Variants in ALCAM observed in about 807,000 individuals in gnomAD.
ALCAM encodes the protein activated leukocyte cell adhesion molecule, also known as CD166 antigen.
A neutral mutation model predicts 70.9 loss-of-function variants in ALCAM; 30 were observed. The observed-to-expected ratio is 0.42, with a 90% CI of 0.32 to 0.57. The LOEUF is 0.57. ALCAM is among the 20% of genes least tolerant of loss of function. ALCAM has a pLI of 0.11. For synonymous variants in ALCAM, 249 were observed against 242.5 expected, an observed-to-expected ratio of 1.03 and a Z score of -0.25; for missense variants, 591 against 695.1, an observed-to-expected ratio of 0.85 and a Z score of 1.68.
chr3:105,444,384 T>A (rs1182442621), intron 1 of ALCAM, among the ~76,000 whole-genome samples: 1 of 152,022 alleles, frequency 6.6e-6, no homozygotes, highest in African/African-American at 2.4e-5. Flanking sequence ...AAAACTGCCT[T>A]ATAAAACCAC....
rs1181416180 is a variant in ALCAM, at chr3:105,574,715, T to C, written c.*264T>C. 1.3e-5 allele frequency: 2 copies of C among 152,652 alleles called. No homozygotes were observed. Among genetic ancestry groups the C allele is most frequent in the Non-Finnish European group, 2.9e-5 (2 of 68,028 alleles). 9.5% of individuals were successfully genotyped at this position (152,652 alleles called of 1,614,324 possible). A position where few individuals can be genotyped will look rare whatever the true frequency, so the allele number is the denominator to read the frequency against. On this transcript the variant is annotated 3_prime_UTR_variant, in exon 16 of 16. Transcript: ENST00000306107. ...TGTGTTTGGTTCAATTTTTTTTCCG[T>C]AAATGTCTGCACTGAGGATTTCTTT...
At chr3:105,465,127 A>C (rs542287165) in intron 1 of ALCAM, among the ~76,000 whole-genome samples, 1 of 151,494 alleles carries the variant, frequency 6.6e-6, no homozygotes, top group East Asian at 1.9e-4. Flanking sequence ...TCAAAATAGA[A>C]AAGGCTTGTG....
intron 1 of ALCAM, among the ~76,000 whole-genome samples, chr3:105,432,260 A>G (rs1936953695): frequency 6.6e-6 from 1 of 152,148 alleles, no homozygotes; most frequent in Admixed American, 6.6e-5. Flanking sequence ...ATCAAATCCT[A>G]TTTTTTTCTG....
intron 1 of ALCAM, among the ~76,000 whole-genome samples, chr3:105,477,483 C>G (rs545585613): frequency 7.9e-5 from 12 of 152,118 alleles, no homozygotes; most frequent in Non-Finnish European, 1.5e-4. Flanking sequence ...TGATTATTCT[C>G]TTCTATGTAA....
intron 1 of ALCAM, among the ~76,000 whole-genome samples, chr3:105,446,646 CACACAT>C (rs1478719553): frequency 3.5e-5 from 5 of 141,048 alleles, no homozygotes; most frequent in African/African-American, 1.0e-4. Context: ...CACACACACA[CACACAT>C]AATGGAGTAC....
chr3:105,481,600 A>C (rs1938273429), intron 1 of ALCAM, among the ~76,000 whole-genome samples: 1 of 152,208 alleles, frequency 6.6e-6, no homozygotes, highest in African/African-American at 2.4e-5. Flanking sequence ...TTTTATAAGA[A>C]GACTAATTCT....
intron 11 of ALCAM, among the ~76,000 whole-genome samples, chr3:105,549,617 A>G (rs1474824756): frequency 2.6e-5 from 4 of 151,484 alleles, no homozygotes; most frequent in Admixed American, 1.3e-4. Flanking sequence ...AAAATCATCC[A>G]TCCTCTGTAT....
chr3:105,540,261 C>T (rs2152628937), intron 7 of ALCAM, among the ~76,000 whole-genome samples, 159 bp downstream of exon 7: 1 of 151,758 alleles, frequency 6.6e-6, no homozygotes, highest in African/African-American at 2.4e-5. Flanking sequence ...TGCCACTGTT[C>T]TTGCCTTTTT....
At chr3:105,529,429 G>A (rs1426986271) in intron 3 of ALCAM, among the ~76,000 whole-genome samples, 1 of 152,074 alleles carries the variant, frequency 6.6e-6, no homozygotes, top group Non-Finnish European at 1.5e-5. Flanking sequence ...CTAAAATAGT[G>A]CATGTCCTCT....
intron 1 of ALCAM, among the ~76,000 whole-genome samples, chr3:105,446,825 A>G (rs1311293848): frequency 6.6e-6 from 1 of 152,152 alleles, no homozygotes; most frequent in African/African-American, 2.4e-5. Flanking sequence ...ATAGAACTAA[A>G]GAGCAGAATA....
rs570963458 is a variant in ALCAM at position 105,481,237 on chromosome 3, A to G, written c.74-38830A>G. Among the ~76,000 whole-genome samples, 8 of 152,240 alleles carry G rather than the reference A, an allele frequency of 5.3e-5. No individual in the cohort carries two copies. In the South Asian group the frequency reaches 1.5e-3, roughly 28 times the overall value. ...TGCCACTAGATTTGGCTCCTATATA[A>G]GACACATACAAATATTTTGTTTTCC... On this transcript the variant is annotated intron_variant, in intron 1 of 15. Transcript: ENST00000306107.
intron 3 of ALCAM, among the ~76,000 whole-genome samples, chr3:105,530,478 A>G (rs1220673119): frequency 2.0e-5 from 3 of 151,944 alleles, no homozygotes; most frequent in Non-Finnish European, 4.4e-5. Flanking sequence ...TATCCTACCA[A>G]TCAGGTAGTC....
intron 1 of ALCAM, among the ~76,000 whole-genome samples, chr3:105,484,095 G>A (rs571258265): frequency 1.3e-5 from 2 of 151,742 alleles, no homozygotes; most frequent in African/African-American, 2.4e-5. Context: ...AAAGGAAAGC[G>A]TTCTTGGTCA....
intron 1 of ALCAM, among the ~76,000 whole-genome samples, chr3:105,434,099 G>T (rs978282314): frequency 6.6e-6 from 1 of 152,108 alleles, no homozygotes; most frequent in Admixed American, 6.5e-5. Context: ...AGAATTTCAT[G>T]ATTCATAACA....
chr3:105,487,586 G>A (rs979241464), intron 1 of ALCAM, among the ~76,000 whole-genome samples: 2 of 152,160 alleles, frequency 1.3e-5, no homozygotes, highest in Admixed American at 6.6e-5. Context: ...TGTCAAAATA[G>A]GAGGACTAGA....
At chr3:105,524,199 A>C in intron 2 of ALCAM, 90 bp from the exon 3 acceptor site, 3 of 1,046,242 alleles carry the variant, frequency 2.9e-6, no homozygotes, top group Non-Finnish European at 4.1e-6. Context: ...AGATATTGGT[A>C]GAATATGGCC....
At chr3:105,546,880 CA>C (rs918167075) in intron 9 of ALCAM, among the ~76,000 whole-genome samples, 31 of 151,270 alleles carry the variant, frequency 2.0e-4, no homozygotes, top group African/African-American at 7.3e-4. Context: ...TTAAATGATA[CA>C]TTTCCTTTGT....
intron 1 of ALCAM, among the ~76,000 whole-genome samples, chr3:105,453,185 C>T (rs1408844469): frequency 9.2e-5 from 14 of 152,084 alleles, no homozygotes; most frequent in Admixed American, 4.6e-4. Flanking sequence ...AGGTTTTCTT[C>T]CAGGGTTATT....
At chr3:105,380,675 A>G (rs533853982) in intron 1 of ALCAM, among the ~76,000 whole-genome samples, 1 of 152,066 alleles carries the variant, frequency 6.6e-6, no homozygotes, top group African/African-American at 2.4e-5. Context: ...ATTACATTCT[A>G]TAGAAAATTG....
Sources: gnomAD v4.1 joint callset for allele counts (sites outside exome capture counted in the v4.1 genomes callset) on GRCh38, gnomAD v4.1.1 for gene constraint, MANE v1.5 for transcripts, NCBI Gene and HGNC (gene_info 2026-07-23, HGNC 2026-07-21) for gene names.